ACOXL: variants seen among roughly 807,000 people sequenced by gnomAD.
ACOXL encodes acyl-CoA oxidase like.
A neutral mutation model predicts 71.9 loss-of-function variants in ACOXL; 70 were observed. The observed-to-expected ratio is 0.97, with a 90% confidence interval of 0.80 to 1.19. ACOXL has a LOEUF of 1.19. ACOXL is among the 50% of genes most tolerant of loss of function. The probability of loss-of-function intolerance (pLI) is 0.00; values close to 1 mark genes in which losing one functional copy is unlikely to be tolerated. For missense variants in ACOXL, 703 were observed against 736.3 expected, an observed-to-expected ratio of 0.95 and a Z score of 0.52; for synonymous variants, 253 against 281.6, an observed-to-expected ratio of 0.90 and a Z score of 1.02.
intron 14 of ACOXL, among the ~76,000 whole-genome samples, chr2:111,010,769 A>G (rs1019592412): frequency 6.6e-6 from 1 of 152,200 alleles, no homozygotes; most frequent in Non-Finnish European, 1.5e-5. Context: ...TTGTATAGCC[A>G]AAGGACAATA....
chr2:110,923,452 GTT>G (rs754367534), intron 11 of ACOXL, among the ~76,000 whole-genome samples: 25 of 152,116 alleles, frequency 1.6e-4, no homozygotes, highest in Admixed American at 3.3e-4. Flanking sequence ...CTGGTTAGAT[GTT>G]TATTCAATAC....
chr2:110,764,933 G>T (rs1464317154), intron 1 of ACOXL, among the ~76,000 whole-genome samples: 1 of 152,224 alleles, frequency 6.6e-6, no homozygotes, highest in East Asian at 1.9e-4. Context: ...TCTGTTTAAA[G>T]AACTACCTTT....
intron 5 of ACOXL, chr2:110,796,129 G>A (rs575845591): frequency 2.0e-5 from 3 of 151,598 alleles, no homozygotes; most frequent in East Asian, 3.9e-4. Context: ...CTTTCAAAAT[G>A]CTAGAGCTTA....
At chr2:110,954,517 T>C (rs2061430065) in intron 12 of ACOXL, among the ~76,000 whole-genome samples, 1 of 152,198 alleles carries the variant, frequency 6.6e-6, no homozygotes, top group Admixed American at 6.5e-5. Context: ...CCCTAGCAAT[T>C]TTAACATGCA....
At chr2:110,790,550 G>A (rs543651922) in intron 3 of ACOXL, among the ~76,000 whole-genome samples, 1 of 152,310 alleles carries the variant, frequency 6.6e-6, no homozygotes, top group Admixed American at 6.5e-5. Flanking sequence ...GTGGGTGCAT[G>A]TTTGAAGTTC....
chr2:110,921,231 A>G (rs1295079211), intron 11 of ACOXL, among the ~76,000 whole-genome samples: 1 of 151,944 alleles, frequency 6.6e-6, no homozygotes, highest in Non-Finnish European at 1.5e-5. Context: ...ATAGAGGCCT[A>G]TCAATTTTGT....
chr2:110,982,948 C>T (rs2062778343), intron 12 of ACOXL, among the ~76,000 whole-genome samples: 1 of 152,188 alleles, frequency 6.6e-6, no homozygotes, highest in Non-Finnish European at 1.5e-5. Flanking sequence ...AGGGGGCCTG[C>T]ATTTTCATTT....
At chr2:110,777,549 A>G (rs1682806442) in intron 2 of ACOXL, among the ~76,000 whole-genome samples, 1 of 151,908 alleles carries the variant, frequency 6.6e-6, no homozygotes. Flanking sequence ...CACCCTGCAG[A>G]GTCTTTCTGT....
chr2:110,962,363 G>A (rs1293520318), intron 12 of ACOXL, among the ~76,000 whole-genome samples: 2 of 152,230 alleles, frequency 1.3e-5, no homozygotes, highest in African/African-American at 4.8e-5. Flanking sequence ...GGGGTGGGGG[G>A]AAGTGAACTT....
At chr2:110,876,654 G>C (rs1192376226) in intron 10 of ACOXL, among the ~76,000 whole-genome samples, 1 of 152,204 alleles carries the variant, frequency 6.6e-6, no homozygotes, top group African/African-American at 2.4e-5. Flanking sequence ...AGTAATGGCG[G>C]CTCGGGGTCA....
At chr2:110,737,310 A>G (rs1421757204) in intron 1 of ACOXL, among the ~76,000 whole-genome samples, 1 of 152,134 alleles carries the variant, frequency 6.6e-6, no homozygotes, top group Admixed American at 6.5e-5. Context: ...TTCCTAAGTA[A>G]CATGTCTAAA....
chr2:110,884,160 G>A (rs1697019594), intron 10 of ACOXL, among the ~76,000 whole-genome samples: 1 of 152,120 alleles, frequency 6.6e-6, no homozygotes, highest in Non-Finnish European at 1.5e-5. Context: ...AGGAGAAGAA[G>A]ACCCAAAAAA....
chr2:111,058,296 G>A (rs1391191453), intron 16 of ACOXL, among the ~76,000 whole-genome samples: 1 of 152,178 alleles, frequency 6.6e-6, no homozygotes, highest in Admixed American at 6.5e-5. Context: ...CAAGAGCACG[G>A]AGAAATTCCA....
In ACOXL at chr2:111,118,032, G is replaced by GT. The variant is rs1558986370; in HGVS notation, c.*217dup. 1.6e-6 allele frequency: 1 copy of GT among 618,320 alleles called. No homozygotes were observed. The highest frequency in any genetic ancestry group is 2.8e-6 in the Non-Finnish European group (1 of 356,538). The allele number at this position is 618,320 out of a possible 1,614,324, so 38.3% of individuals were successfully genotyped here. ...CGGTCGCCTGGTGCGCTGGATCCCTGTGCCCTTTCCCTGAAACCCAGCCTG... is the reference window on the plus strand; with the variant it reads ...CGGTCGCCTGGTGCGCTGGATCCCTGTTGCCCTTTCCCTGAAACCCAGCCTG... On this transcript the variant is annotated 3_prime_UTR_variant, in exon 18 of 18. Transcript: ENST00000439055.
In ACOXL at chr2:110,838,142, C is replaced by T. The variant is rs563476865; in HGVS notation, c.754-3229C>T. Reference sequence around the variant, plus strand: ...GCATGTGTGCACATGCGGTGGTACACGTGTGTGCATGTATGTGTACTTGCA... The same window carrying T: ...GCATGTGTGCACATGCGGTGGTACATGTGTGTGCATGTATGTGTACTTGCA... On this transcript the variant is annotated intron_variant, in intron 9 of 17. Transcript: ENST00000439055. Among the ~76,000 whole-genome samples, 19 of 152,284 alleles carry T rather than the reference C, an allele frequency of 1.2e-4. No individual in the cohort carries two copies. The South Asian group carries it at 2.1e-3, about 17-fold the overall frequency.
chr2:110,793,973 C>T lies in ACOXL; in HGVS notation c.247-103C>T. The T allele has an allele frequency of 4.2e-6, 5 of 1,201,116 alleles. No homozygotes were observed. In the South Asian group the frequency reaches 6.8e-5, roughly 16 times the overall value. 74.4% of individuals were successfully genotyped at this position (1,201,116 alleles called of 1,614,324 possible). A position where few individuals can be genotyped will look rare whatever the true frequency, so the allele number is the denominator to read the frequency against. Reference sequence around the variant, plus strand: ...CTGCATTTTTATAATTTTCTCCAACCCACCTGTCCCTCTCTCACCACCATT... The same window carrying T: ...CTGCATTTTTATAATTTTCTCCAACTCACCTGTCCCTCTCTCACCACCATT... On this transcript the variant is annotated intron_variant, in intron 4 of 17. Transcript: ENST00000439055.
At chr2:110,854,312 T>G (rs1692981744) in intron 10 of ACOXL, among the ~76,000 whole-genome samples, 1 of 152,086 alleles carries the variant, frequency 6.6e-6, no homozygotes, top group African/African-American at 2.4e-5. Context: ...CTGTACCTCT[T>G]TGTGATCGTC....
chr2:110,802,975 C>G (rs1454134165), intron 8 of ACOXL, among the ~76,000 whole-genome samples: 1 of 152,060 alleles, frequency 6.6e-6, no homozygotes, highest in Non-Finnish European at 1.5e-5. Context: ...ATCAAAACAT[C>G]ACACTGTATT....
At chr2:110,862,729 C>A (rs1176392348) in intron 10 of ACOXL, among the ~76,000 whole-genome samples, 2 of 152,196 alleles carry the variant, frequency 1.3e-5, no homozygotes, top group African/African-American at 2.4e-5. Context: ...CACTCATAGC[C>A]CCCTCAGCAC....
Sources: allele counts gnomAD v4.1 joint callset (sites outside exome capture counted in the v4.1 genomes callset), GRCh38; gene constraint gnomAD v4.1.1; transcripts MANE v1.5; gene names NCBI Gene and HGNC (gene_info 2026-07-23, HGNC 2026-07-21).